The following HMG20A variants were observed in gnomAD, a reference collection of about 807,000 sequenced individuals.
HMG20A encodes high mobility group 20A.
A neutral mutation model predicts 43.9 loss-of-function variants in HMG20A; 17 were observed. That is an observed-to-expected ratio of 0.39 (90% CI 0.27 to 0.58). The LOEUF (loss-of-function observed/expected upper bound fraction) is 0.58, where lower values mean the gene tolerates loss of function less well. Ranked by LOEUF, HMG20A falls within the 20% of genes least tolerant of loss-of-function variation. HMG20A has a pLI of 0.59. For synonymous variants in HMG20A, 132 were observed against 147.5 expected (o/e 0.89, Z 0.76); for missense variants, 341 against 438.2 (o/e 0.78, Z 1.98).
At chr15:77,459,377 A>AT (rs2072685247) in intron 2 of HMG20A, among the ~76,000 whole-genome samples, 1 of 152,246 alleles carries the variant, frequency 6.6e-6, no homozygotes, top group Non-Finnish European at 1.5e-5. Flanking sequence ...TGATCAAAAT[A>AT]GATAAAAATC....
chr15:77,511,813 T>C, the HMG20A span, among the ~76,000 whole-genome samples: 1 of 152,174 alleles, frequency 6.6e-6, no homozygotes, highest in East Asian at 1.9e-4. Context: ...TTGGTAGGAA[T>C]ATAAAATAGT....
At position 77,470,904 on chromosome 15, in the gene HMG20A, TC is replaced by T; in HGVS notation, c.451-4del. 6.4e-7 allele frequency: 1 copy of T among 1,561,716 alleles called. No homozygotes were observed. The highest frequency in any genetic ancestry group is 8.6e-7 in the Non-Finnish European group (1 of 1,162,660). ...TCTTGAAAATAATTCTGTATTTCTT[TC>T]CTAGCGCTACCTTGATGAAGCAGAC... On this transcript the variant is annotated splice_polypyrimidine_tract_variant and splice_region_variant and intron_variant, in intron 4 of 9. Transcript: ENST00000336216.
rs900136622 is a variant in HMG20A, at chr15:77,479,143, G to A, written c.908-36G>A. 3 of 1,605,014 alleles carry A rather than the reference G, an allele frequency of 1.9e-6. No homozygotes were observed. The African/African-American group carries it at 4.0e-5, about 21-fold the overall frequency. On this transcript the variant is annotated intron_variant, in intron 8 of 9. Coordinates refer to ENST00000336216, the MANE Select transcript of HMG20A (RefSeq NM_001304504.2). ...TGTGTTTTATGGTACAACTGAATAG[G>A]GAGGATTTTCTTACTTTCTTCTTAT...
chr15:77,486,461 A>G (rs1293816056), downstream of HMG20A, among the ~76,000 whole-genome samples: 2 of 152,154 alleles, frequency 1.3e-5, no homozygotes, highest in Admixed American at 1.3e-4. Flanking sequence ...GGGTTTCACC[A>G]TGTTGGCCAG....
intron 1 of HMG20A, among the ~76,000 whole-genome samples, chr15:77,457,404 T>C (rs1189647303): frequency 1.3e-5 from 2 of 152,204 alleles, no homozygotes. Context: ...TGAGGCACTC[T>C]TTCTTGAGTG....
At chr15:77,436,661 G>A (rs1421930998) in intron 1 of HMG20A, among the ~76,000 whole-genome samples, 1 of 151,894 alleles carries the variant, frequency 6.6e-6, no homozygotes, top group Non-Finnish European at 1.5e-5. Context: ...ATCTCACCAT[G>A]TTGGCCAGGC....
At chr15:77,451,375 C>G (rs943511604) in intron 1 of HMG20A, among the ~76,000 whole-genome samples, 24 of 152,088 alleles carry the variant, frequency 1.6e-4, no homozygotes, top group African/African-American at 5.6e-4. Context: ...TTTTGTATCC[C>G]CACATAATGA....
At chr15:77,453,691 G>A (rs973426144) in intron 1 of HMG20A, among the ~76,000 whole-genome samples, 24 of 152,154 alleles carry the variant, frequency 1.6e-4, no homozygotes, top group African/African-American at 5.6e-4. Flanking sequence ...CAACTGATAT[G>A]TGGATCAACA....
intron 6 of HMG20A, among the ~76,000 whole-genome samples, chr15:77,476,199 A>G (rs550918619): frequency 6.6e-6 from 1 of 152,026 alleles, no homozygotes; most frequent in Non-Finnish European, 1.5e-5. Flanking sequence ...AAACTAGTGG[A>G]GGCTGGGCAC....
downstream of HMG20A, among the ~76,000 whole-genome samples, chr15:77,488,442 G>A (rs1335145707): frequency 6.6e-6 from 1 of 152,146 alleles, no homozygotes; most frequent in Admixed American, 6.5e-5. Context: ...AGTTTTAATA[G>A]AGACAAATAA....
chr15:77,434,474 A>G (rs904648713), intron 1 of HMG20A, among the ~76,000 whole-genome samples: 4 of 152,214 alleles, frequency 2.6e-5, no homozygotes, highest in African/African-American at 7.2e-5. Context: ...GTGAGAATAC[A>G]TATTTGTAAT....
chr15:77,474,185 G>C (rs1196841137), intron 6 of HMG20A, among the ~76,000 whole-genome samples: 1 of 152,196 alleles, frequency 6.6e-6, no homozygotes, highest in Non-Finnish European at 1.5e-5. Context: ...CCTAGGTTTT[G>C]TGGGCATCTC....
At chr15:77,437,626 C>T (rs1181838902) in intron 1 of HMG20A, among the ~76,000 whole-genome samples, 1 of 152,078 alleles carries the variant, frequency 6.6e-6, no homozygotes, top group Non-Finnish European at 1.5e-5. Flanking sequence ...GGCTGGAGTG[C>T]GGTGGCGTGA....
intron 1 of HMG20A, among the ~76,000 whole-genome samples, chr15:77,425,027 ACT>A (rs2073412085): frequency 6.6e-6 from 1 of 151,648 alleles, no homozygotes; most frequent in Non-Finnish European, 1.5e-5. Flanking sequence ...TGCCTGAAAC[ACT>A]CTTTTTTCCT....
chr15:77,469,501 T>C (rs2072787138), intron 4 of HMG20A, among the ~76,000 whole-genome samples: 1 of 152,032 alleles, frequency 6.6e-6, no homozygotes, highest in Non-Finnish European at 1.5e-5. Context: ...AACTGGCTAA[T>C]TATTTTATGT....
intron 4 of HMG20A, 63 bp from the exon 5 acceptor site, chr15:77,470,847 T>C: frequency 7.3e-7 from 1 of 1,362,844 alleles, no homozygotes; most frequent in Non-Finnish European, 9.8e-7. Flanking sequence ...TTCAAATAGG[T>C]AATTTAATTT....
chr15:77,507,824 G>A, the HMG20A span, among the ~76,000 whole-genome samples: 1 of 152,108 alleles, frequency 6.6e-6, no homozygotes, highest in Non-Finnish European at 1.5e-5. Context: ...TGAAGGCACA[G>A]GGGTGGGTAA....
chr15:77,458,204 A>C lies in HMG20A; in HGVS notation c.-4-200A>C, dbSNP rs112383954. The C allele has an allele frequency of 8.9e-3, 3,771 of 424,004 alleles. 127 individuals are homozygous for C. The highest frequency in any genetic ancestry group is 0.068 in the African/African-American group (3,327 of 48,700). 26.3% of individuals were successfully genotyped at this position (424,004 alleles called of 1,614,324 possible). Reference sequence around the variant, plus strand: ...AACCTAACTTGTTTTCAGTCTGGTCAGTTGATAAGACCAAGGTTAAAAGGC... The same window carrying C: ...AACCTAACTTGTTTTCAGTCTGGTCCGTTGATAAGACCAAGGTTAAAAGGC... On this transcript the variant is annotated intron_variant, in intron 1 of 9. Coordinates refer to ENST00000336216, the MANE Select transcript of HMG20A (RefSeq NM_001304504.2).
chr15:77,451,837 T>C (rs74026915), intron 1 of HMG20A, among the ~76,000 whole-genome samples: 1 of 152,178 alleles, frequency 6.6e-6, no homozygotes, highest in Non-Finnish European at 1.5e-5. Context: ...CTGAGCAAAA[T>C]TGATGTTAAA....
Sources: allele counts gnomAD v4.1 joint callset (sites outside exome capture counted in the v4.1 genomes callset), GRCh38; gene constraint gnomAD v4.1.1; transcripts MANE v1.5; gene names NCBI Gene and HGNC (gene_info 2026-07-23, HGNC 2026-07-21).